SMARCA4: variants seen among roughly 807,000 people sequenced by gnomAD.
The protein encoded by SMARCA4 is SWI/SNF-related matrix-associated actin-dependent regulator of chromatin subfamily A member 4.
SMARCA4 carries 31 observed loss-of-function variants against 193.9 expected under a neutral mutation model. The ratio of observed to expected loss-of-function variants is 0.16; its 90% CI spans 0.12 to 0.22. SMARCA4 has a LOEUF of 0.22. SMARCA4 is among the 10% of genes least tolerant of loss of function. The pLI is 1.00. For missense variants in SMARCA4, 1,148 were observed against 2,296.0 expected (o/e 0.50, Z 10.22); for synonymous variants, 942 against 933.1 (o/e 1.01, Z -0.17).
At chr19:11,003,973 A>G (rs896053604) in intron 13 of SMARCA4, among the ~76,000 whole-genome samples, 1 of 151,458 alleles carries the variant, frequency 6.6e-6, no homozygotes, top group Non-Finnish European at 1.5e-5. Flanking sequence ...CAGCCTCCCA[A>G]AGTGCTGGGA....
At chr19:10,991,461 C>A in intron 8 of SMARCA4, 138 bp downstream of exon 8, 1 of 1,377,712 alleles carries the variant, frequency 7.3e-7, no homozygotes, top group Non-Finnish European at 9.9e-7. Flanking sequence ...TAACAGTATT[C>A]TAGGTACTGA....
At position 11,004,431 on chromosome 19, in the gene SMARCA4, A is replaced by G. The variant is rs140768397; in HGVS notation, c.2001+1034A>G. Reference sequence around the variant, plus strand: ...GCCAGCTAATTTTTAAAATATTTTTAGTAGAGATGGGGTTCCACCATGTTG... The same window carrying G: ...GCCAGCTAATTTTTAAAATATTTTTGGTAGAGATGGGGTTCCACCATGTTG... On this transcript the variant is annotated intron_variant, in intron 13 of 34. Transcript: ENST00000344626. 2.8e-3 allele frequency among the ~76,000 whole-genome samples: 426 copies of G among 152,218 alleles called. 14 individuals carry two copies. In the South Asian group the frequency reaches 0.059, roughly 21 times the overall value.
chr19:11,027,715 G>A, intron 23 of SMARCA4, 69 bp from the exon 24 acceptor site: 1 of 1,580,546 alleles, frequency 6.3e-7, no homozygotes, highest in Non-Finnish European at 8.7e-7. Context: ...TGCACCTCCT[G>A]CCTTACCTGC....
chr19:11,020,937 G>A (rs549057060), intron 18 of SMARCA4: 1 of 153,770 alleles, frequency 6.5e-6, no homozygotes, highest in Non-Finnish European at 1.4e-5. Flanking sequence ...CTGCCTCCTG[G>A]GTTCAAGTGA....
chr19:10,992,019 G>C (rs2145894486), intron 8 of SMARCA4, among the ~76,000 whole-genome samples: 1 of 152,136 alleles, frequency 6.6e-6, no homozygotes, highest in East Asian at 1.9e-4. Flanking sequence ...TGCTGATTTG[G>C]TCATTTATAG....
chr19:11,029,695 C>T (rs1430970933), intron 24 of SMARCA4, among the ~76,000 whole-genome samples: 3 of 152,090 alleles, frequency 2.0e-5, no homozygotes, highest in Non-Finnish European at 2.9e-5. Flanking sequence ...TTTTTTGAGA[C>T]GGAGTTTCAC....
chr19:10,991,085 G>T (rs1178031634), intron 7 of SMARCA4, 65 bp from the exon 8 acceptor site: 3 of 1,602,736 alleles, frequency 1.9e-6, no homozygotes, highest in Non-Finnish European at 2.6e-6. Context: ...ATCACCATAC[G>T]TGTTTGTCAT....
Position 10,997,891 on chromosome 19 carries a change from C to T in SMARCA4, c.1812+1347C>T, listed in dbSNP as rs182231955. On this transcript the variant is annotated intron_variant, in intron 11 of 34. Transcript: ENST00000344626. Reference sequence around the variant, plus strand: ...GTTTCTGCACACTGTACCGAGGTGACGGACACAGGAGGTGAACATTGGTAC... The same window carrying T: ...GTTTCTGCACACTGTACCGAGGTGATGGACACAGGAGGTGAACATTGGTAC... 1.7e-4 allele frequency among the ~76,000 whole-genome samples: 26 copies of T among 152,318 alleles called. No homozygotes were observed. The East Asian group carries it at 4.6e-3, about 27-fold the overall frequency.
chr19:11,037,555 A>G (rs1741359059), intron 29 of SMARCA4, among the ~76,000 whole-genome samples: 1 of 152,230 alleles, frequency 6.6e-6, no homozygotes, highest in African/African-American at 2.4e-5. Flanking sequence ...CTTATCAGAT[A>G]TCATTTGTAA....
intron 21 of SMARCA4, 110 bp from the exon 22 acceptor site, chr19:11,025,312 C>G (rs1173049543): frequency 1.3e-6 from 1 of 750,882 alleles, no homozygotes; most frequent in Non-Finnish European, 2.4e-6. Context: ...AGCCACTCTT[C>G]CCCACTAGAG....
At chr19:11,024,486 C>G (rs774394287) in intron 21 of SMARCA4, 48 bp downstream of exon 21, 3 of 1,238,226 alleles carry the variant, frequency 2.4e-6, no homozygotes, top group Non-Finnish European at 3.6e-6. Context: ...GTGTCCAAGG[C>G]CGGCAGCGTG....
rs112394489 is a variant in SMARCA4, at chr19:10,964,608, G to A, written c.-32+3434G>A. Among the ~76,000 whole-genome samples the A allele has an allele frequency of 1.3e-3, 201 of 149,650 alleles. 1 individual carries two copies. Among genetic ancestry groups the A allele is most frequent in the African/African-American group, 4.7e-3 (189 of 40,556 alleles). ...ACTGGGATTACAAGTATGAGCCACC[G>A]CGCCCGGCCTCTTTTTTTTTTTTTC... is the stretch of plus-strand genomic sequence containing the variant. On this transcript the variant is annotated intron_variant, in intron 1 of 34. Coordinates refer to ENST00000344626, the MANE Select transcript of SMARCA4 (RefSeq NM_003072.5).
chr19:11,020,648 C>G (rs1177663360), intron 18 of SMARCA4: 1 of 152,258 alleles, frequency 6.6e-6, no homozygotes, highest in South Asian at 2.1e-4. Flanking sequence ...AACTCCTGGC[C>G]TCAAGGAATC....
chr19:11,054,851 A>G (rs2076453113), intron 30 of SMARCA4, among the ~76,000 whole-genome samples: 1 of 152,170 alleles, frequency 6.6e-6, no homozygotes. Flanking sequence ...ATGAGGTCAG[A>G]GCCCACATTC....
At chr19:11,021,697 C>T in intron 18 of SMARCA4, 28 bp from the exon 19 acceptor site, 1 of 1,591,652 alleles carries the variant, frequency 6.3e-7, no homozygotes, top group Non-Finnish European at 8.6e-7. Context: ...CTGCCCCCTG[C>T]CCTGATTGCC....
chr19:10,985,881 C>T lies in SMARCA4; in HGVS notation c.356-308C>T, dbSNP rs1041994171. On this transcript the variant is annotated intron_variant, in intron 3 of 34. Transcript: ENST00000344626. The surrounding 1 kb of genome is among the most constrained non-coding windows in gnomAD (Gnocchi z 4.5). ...AAGTGTTGGGGGTGGGCCTGGCGAG[C>T]CCGAGGATGTGGACCCCGCCTGTGG... is the stretch of plus-strand genomic sequence containing the variant. 3.5e-4 allele frequency among the ~76,000 whole-genome samples: 54 copies of T among 152,152 alleles called. No individual in the cohort carries two copies. Among genetic ancestry groups the T allele is most frequent in the Non-Finnish European group, 6.8e-4 (46 of 68,012 alleles).
intron 1 of SMARCA4, among the ~76,000 whole-genome samples, chr19:10,974,784 G>T (rs145782178): frequency 8.1e-6 from 1 of 123,922 alleles, no homozygotes; most frequent in Admixed American, 1.0e-4. Context: ...TTGGCTCACC[G>T]CAACCTCTGG....
chr19:11,045,857 A>G (rs975456548), intron 30 of SMARCA4, among the ~76,000 whole-genome samples: 1 of 151,618 alleles, frequency 6.6e-6, no homozygotes, highest in Non-Finnish European at 1.5e-5. Context: ...GCCGAGGCGG[A>G]GGATCACTTG....
rs777562578 is a variant in SMARCA4 at position 11,024,382 on chromosome 19, C to T, written c.3025C>T (p.Arg1009Cys). The change falls in exon 21 of 35, where the codon CGC becomes TGC. Residue 1009 changes from arginine to cysteine, a missense_variant. By Grantham distance (180) the Arg-to-Cys change is radical. Around this residue, in one of 17 missense-constraint regions of SMARCA4, gnomAD observed 74 missense variants for 392.3 expected, o/e 0.19. Transcript: ENST00000344626. The part of the protein sequence containing the change: ...DMSALQRVLY[R>C]HMQAKGVLLT... Reference sequence around the variant, plus strand: ...GTCTGCGCTGCAGCGAGTGCTCTACCGCCACATGCAGGCCAAGGGCGTGCT... The same window carrying T: ...GTCTGCGCTGCAGCGAGTGCTCTACTGCCACATGCAGGCCAAGGGCGTGCT... 2 of 1,613,154 alleles carry T rather than the reference C, an allele frequency of 1.2e-6. No individual in the cohort carries two copies. Among genetic ancestry groups the T allele is most frequent in the Non-Finnish European group, 1.7e-6 (2 of 1,179,848 alleles).
Sources: allele counts gnomAD v4.1 joint callset (sites outside exome capture counted in the v4.1 genomes callset), GRCh38; gene constraint gnomAD v4.1.1; regional missense constraint gnomAD v4.1.1; non-coding constraint Gnocchi (gnomAD v3.1); transcripts MANE v1.5; gene names NCBI Gene and HGNC (gene_info 2026-07-23, HGNC 2026-07-21).